CFAP157: variants seen among roughly 807,000 people sequenced by gnomAD.
The protein encoded by CFAP157 is cilia- and flagella-associated protein 157.
Under a neutral mutation model 57.8 loss-of-function variants are expected in CFAP157, and 43 were observed. The ratio of observed to expected loss-of-function variants is 0.74; its 90% CI spans 0.58 to 0.96. The LOEUF (loss-of-function observed/expected upper bound fraction) is 0.96, where lower values mean the gene tolerates loss of function less well. Among genes scored for constraint, CFAP157 ranks in the 40% least tolerant of loss-of-function variants. The pLI is 0.00. For missense variants in CFAP157, 606 were observed against 655.3 expected (o/e 0.92, Z 0.82); for synonymous variants, 267 against 269.0 (o/e 0.99, Z 0.07).
chr9:127,713,629 C>G (rs1325866164), intron 8 of CFAP157: 1 of 463,144 alleles, frequency 2.2e-6, no homozygotes, highest in East Asian at 4.4e-5. Context: ...GCCTCAGTCT[C>G]CCAAGTAGCA....
At chr9:127,713,545 C>T (rs575070698) in intron 8 of CFAP157, 1 of 222,216 alleles carries the variant, frequency 4.5e-6, no homozygotes, top group East Asian at 1.0e-4. Context: ...CTCACTCTGT[C>T]ACCCAGACTG....
At chr9:127,707,462 C>T (rs749582882) in intron 1 of CFAP157, among the ~76,000 whole-genome samples, 10 of 152,252 alleles carry the variant, frequency 6.6e-5, no homozygotes, top group African/African-American at 2.4e-4. Flanking sequence ...GCAATCCCCA[C>T]GTCCCCCTGC....
Position 127,714,896 on chromosome 9 carries a change from C to T in CFAP157, c.*991C>T. On this transcript the variant is annotated 3_prime_UTR_variant, in exon 9 of 9. Transcript: ENST00000373295. ...AGGTGAACCCGCGGATCTGTCACAG[C>T]CAGTGCTCCCCTCTGGCCCCCGCGC... The T allele has an allele frequency of 9.6e-7, 1 of 1,041,436 alleles. No individual in the cohort carries two copies. Among genetic ancestry groups the T allele is most frequent in the Non-Finnish European group, 1.4e-6 (1 of 726,860 alleles). 64.5% of individuals were successfully genotyped at this position (1,041,436 alleles called of 1,614,324 possible). A position where few individuals can be genotyped will look rare whatever the true frequency, so the allele number is the denominator to read the frequency against.
At position 127,715,337 on chromosome 9, in the gene CFAP157, C is replaced by T; in HGVS notation, c.*1432C>T. On this transcript the variant is annotated 3_prime_UTR_variant, in exon 9 of 9. Coordinates refer to ENST00000373295, the MANE Select transcript of CFAP157 (RefSeq NM_001012502.3). The surrounding 1 kb of genome is among the most constrained non-coding windows in gnomAD (Gnocchi z 5.8). The stretch of plus-strand genomic sequence containing the variant: ...GGGGCGCGAAGAAGGGGCCCAGAAA[C>T]CCGACCCCTGAGAACTCCAGAAGGC... The T allele has an allele frequency of 8.0e-7, 1 of 1,254,410 alleles. No individual in the cohort carries two copies. Among genetic ancestry groups the T allele is most frequent in the Non-Finnish European group, 1.1e-6 (1 of 889,380 alleles). The allele number at this position is 1,254,410 out of a possible 1,614,324, so 77.7% of individuals were successfully genotyped here. A position where few individuals can be genotyped will look rare whatever the true frequency, so the allele number is the denominator to read the frequency against.
At chr9:127,710,375 C>A (rs1289591517) in intron 2 of CFAP157, among the ~76,000 whole-genome samples, 1 of 151,258 alleles carries the variant, frequency 6.6e-6, no homozygotes, top group Non-Finnish European at 1.5e-5. Context: ...GGAACCTGAA[C>A]AAAACTTCAT....
Position 127,710,599 on chromosome 9 carries a change from A to G in CFAP157, c.434-2A>G, listed in dbSNP as rs1403470017. On this transcript the variant is annotated splice_acceptor_variant, in intron 2 of 8. Transcript: ENST00000373295. LOFTEE classifies it high-confidence loss of function. ...TTGGGCCTTGTGCGCTGTGGCGGCC[A>G]GGGGGGAAGCTGGCAGCCCTGGAGG... 6.3e-7 allele frequency: 1 copy of G among 1,578,476 alleles called. No individual in the cohort carries two copies. Among genetic ancestry groups the G allele is most frequent in the Non-Finnish European group, 8.6e-7 (1 of 1,162,036 alleles).
intron 8 of CFAP157, chr9:127,713,462 C>A (rs546322606): frequency 4.2e-6 from 2 of 472,226 alleles, no homozygotes; most frequent in Non-Finnish European, 3.7e-6. Flanking sequence ...TGGGATCCCC[C>A]TGAAGAGGCC....
rs1842805346 is a variant in CFAP157, at chr9:127,713,074, C to T, written c.1359C>T (p.Asp453=). The T allele has an allele frequency of 1.2e-6, 2 of 1,613,852 alleles. No homozygotes were observed. Among genetic ancestry groups the T allele is most frequent in the Admixed American group, 3.3e-5 (2 of 59,944 alleles). The change falls in exon 8 of 9, where the codon GAC becomes GAT. Residue 453 remains aspartate, a synonymous_variant. Coordinates refer to ENST00000373295, the MANE Select transcript of CFAP157 (RefSeq NM_001012502.3). Reference sequence around the variant, plus strand: ...GGTCTCTGCTGCCGCAGCTCTCTGACATCACCCCCTACCAGCCGGGGGATC... The same window carrying T: ...GGTCTCTGCTGCCGCAGCTCTCTGATATCACCCCCTACCAGCCGGGGGATC... ...RTGSLLPQLS[D]ITPYQPGDLG...
Position 127,712,618 on chromosome 9 carries a change from C to T in CFAP157, c.1138-91C>T, listed in dbSNP as rs58229174. 11,485 of 1,604,730 alleles carry T rather than the reference C, an allele frequency of 7.2e-3. 744 individuals are homozygous for T. In the African/African-American group the frequency reaches 0.13, roughly 19 times the overall value. On this transcript the variant is annotated intron_variant, in intron 6 of 8. Transcript: ENST00000373295. ...ATCCCACCACAGACAGGGAAAACTT[C>T]GTGGAAATGGGCACTGAGGTTGGAA...
rs1222696156 is a variant in CFAP157, at chr9:127,709,757, T to C, written c.433+64T>C. On this transcript the variant is annotated intron_variant, in intron 2 of 8. Coordinates refer to ENST00000373295, the MANE Select transcript of CFAP157 (RefSeq NM_001012502.3). The surrounding 1 kb of genome is among the most constrained non-coding windows in gnomAD (Gnocchi z 4.7). ...TCCCAGCTCTATCACTGACCCTGTT[T>C]CTCACCTGGGAAACAGGGATAATAG... The C allele has an allele frequency of 1.3e-6, 2 of 1,537,828 alleles. No homozygotes were observed. The highest frequency in any genetic ancestry group is 2.7e-5 in the African/African-American group (2 of 72,802).
chr9:127,709,353 G>T lies in CFAP157; in HGVS notation c.162-69G>T. 6.6e-7 allele frequency: 1 copy of T among 1,523,326 alleles called. No individual in the cohort carries two copies. The highest frequency in any genetic ancestry group is 2.4e-5 in the East Asian group (1 of 42,278). The allele number at this position is 1,523,326 out of a possible 1,614,324, so 94.4% of individuals were successfully genotyped here. On this transcript the variant is annotated intron_variant, in intron 1 of 8. Coordinates refer to ENST00000373295, the MANE Select transcript of CFAP157 (RefSeq NM_001012502.3). The surrounding 1 kb of genome is among the most constrained non-coding windows in gnomAD (Gnocchi z 4.7). ...ACGGGACAGGGAGTCCAGGAGAGTG[G>T]GCCCAGCTGCACCAGAGGCCTGGCT...
intron 5 of CFAP157, 25 bp downstream of exon 5, chr9:127,711,975 G>T: frequency 1.9e-6 from 3 of 1,592,108 alleles, no homozygotes; most frequent in Non-Finnish European, 2.6e-6. Flanking sequence ...CGGAGGGGCG[G>T]GCGGCGGGTG....
At position 127,712,209 on chromosome 9, in the gene CFAP157, G is replaced by T. The variant is rs772826051; in HGVS notation, c.997G>T (p.Asp333Tyr). The T allele has an allele frequency of 6.2e-7, 1 of 1,613,808 alleles. No individual in the cohort carries two copies. The highest frequency in any genetic ancestry group is 8.5e-7 in the Non-Finnish European group (1 of 1,179,958). The change falls in exon 6 of 9, where the codon GAC (aspartate) becomes TAC (tyrosine). Residue 333 changes from aspartate to tyrosine, a missense_variant. Transcript: ENST00000373295. Reference protein sequence around the residue: ...VDNQALKSQRDQLSLQLEQQQ... With the variant: ...VDNQALKSQRYQLSLQLEQQQ... ...CCAGTTGGGGTCCAGGAGCCAGAGA[G>T]ACCAGCTGAGCCTGCAGCTGGAGCA...
intron 4 of CFAP157, 75 bp from the exon 5 acceptor site, chr9:127,711,745 C>A: frequency 6.7e-7 from 1 of 1,495,818 alleles, no homozygotes; most frequent in Non-Finnish European, 9.0e-7. Flanking sequence ...CATAGGGGAA[C>A]ACGGGAGGCC....
At position 127,715,731 on chromosome 9, in the gene CFAP157, T is replaced by A; in HGVS notation, c.*1826T>A. The A allele has an allele frequency of 1.3e-6, 2 of 1,545,026 alleles. No homozygotes were observed. Among genetic ancestry groups the A allele is most frequent in the Non-Finnish European group, 8.7e-7 (1 of 1,150,734 alleles). On this transcript the variant is annotated 3_prime_UTR_variant, in exon 9 of 9. Coordinates refer to ENST00000373295, the MANE Select transcript of CFAP157 (RefSeq NM_001012502.3). This position sits in a 1 kb window ranked among gnomAD's most constrained non-coding sequence, Gnocchi z 5.8. ...AACTGTTTGGCGTCCACCGCCAACG[T>A]CCAATCCGGGCCGGGCTACGTGGCC...
chr9:127,713,440 G>T, intron 8 of CFAP157: 1 of 415,792 alleles, frequency 2.4e-6, no homozygotes, highest in Non-Finnish European at 4.3e-6. Flanking sequence ...TCCCCCACCA[G>T]CAGGGAAAGA....
chr9:127,715,255 G>T lies in CFAP157; in HGVS notation c.*1350G>T. The T allele has an allele frequency of 6.7e-7, 1 of 1,487,216 alleles. No individual in the cohort carries two copies. The highest frequency in any genetic ancestry group is 9.1e-7 in the Non-Finnish European group (1 of 1,102,782). The allele number at this position is 1,487,216 out of a possible 1,614,324, so 92.1% of individuals were successfully genotyped here. A position where few individuals can be genotyped will look rare whatever the true frequency, so the allele number is the denominator to read the frequency against. ...CTCTCGCCACCCCCGATCTCACAGC[G>T]TCCCGTGGGCCCCAACGCAGAGGAG... is the stretch of plus-strand genomic sequence containing the variant. On this transcript the variant is annotated 3_prime_UTR_variant, in exon 9 of 9. Coordinates refer to ENST00000373295, the MANE Select transcript of CFAP157 (RefSeq NM_001012502.3). The surrounding 1 kb of genome is among the most constrained non-coding windows in gnomAD (Gnocchi z 5.8).
intron 7 of CFAP157, 45 bp downstream of exon 7, chr9:127,712,920 C>A: frequency 6.3e-7 from 1 of 1,592,044 alleles, no homozygotes; most frequent in Non-Finnish European, 8.6e-7. Context: ...CCACAGAGAG[C>A]AGGGCAAAGG....
At chr9:127,712,619 G>A (rs762156069) in intron 6 of CFAP157, 90 bp from the exon 7 acceptor site, 17 of 1,605,784 alleles carry the variant, frequency 1.1e-5, no homozygotes, top group Admixed American at 3.4e-5. Context: ...GGAAAACTTC[G>A]TGGAAATGGG....
Sources: gnomAD v4.1 joint callset for allele counts (sites outside exome capture counted in the v4.1 genomes callset) on GRCh38, gnomAD v4.1.1 for gene constraint, Gnocchi (gnomAD v3.1) non-coding constraint, MANE v1.5 for transcripts, NCBI Gene and HGNC (gene_info 2026-07-23, HGNC 2026-07-21) for gene names.